The following ESPL1 variants were observed in gnomAD, a reference collection of about 807,000 sequenced individuals.
The protein encoded by ESPL1 is separin.
Under a neutral mutation model 217.2 loss-of-function variants are expected in ESPL1, and 50 were observed. That is an observed-to-expected ratio of 0.23 (90% CI 0.18 to 0.29). The LOEUF is 0.29. Among genes scored for constraint, ESPL1 ranks in the 10% least tolerant of loss-of-function variants. The pLI is 1.00. For missense variants in ESPL1, 1,834 were observed against 2,603.0 expected, an observed-to-expected ratio of 0.70 and a Z score of 6.43; for synonymous variants, 994 against 1,081.3, an observed-to-expected ratio of 0.92 and a Z score of 1.58.
intron 11 of ESPL1, 92 bp from the exon 12 acceptor site, chr12:53,279,640 T>TTGGACCCC: frequency 6.6e-7 from 1 of 1,519,210 alleles, no homozygotes; most frequent in Non-Finnish European, 9.0e-7. Context: ...GAGGTCAAAC[T>TTGGACCCC]ACAGTCCAAG....
rs1943657834 is a variant in ESPL1 at position 53,270,885 on chromosome 12, C to T, written c.1369+87C>T. ...AATAGTACTTGCTGCGTGGTTCTGA[C>T]CACTGTGAGGGTTCCTTATGGTTCA... On this transcript the variant is annotated intron_variant, in intron 5 of 30. Coordinates refer to ENST00000257934, the MANE Select transcript of ESPL1 (RefSeq NM_012291.5). 2.7e-6 allele frequency: 4 copies of T among 1,460,390 alleles called. No homozygotes were observed. The Admixed American group carries it at 7.6e-5, about 28-fold the overall frequency. The allele number at this position is 1,460,390 out of a possible 1,614,324, so 90.5% of individuals were successfully genotyped here.
At chr12:53,270,835 A>C (rs1326889791) in intron 5 of ESPL1, 37 bp downstream of exon 5, 1 of 1,612,060 alleles carries the variant, frequency 6.2e-7, no homozygotes. Flanking sequence ...AGTTTGTGGG[A>C]GGGTCATCAC....
intron 12 of ESPL1, among the ~76,000 whole-genome samples, chr12:53,281,124 C>A (rs1943853148): frequency 7.0e-6 from 1 of 143,194 alleles, no homozygotes; most frequent in African/African-American, 2.6e-5. Flanking sequence ...CTTGTAAATA[C>A]TTTACTCCAC....
At chr12:53,279,238 G>A (rs1319962528) in intron 11 of ESPL1, among the ~76,000 whole-genome samples, 1 of 152,178 alleles carries the variant, frequency 6.6e-6, no homozygotes, top group Non-Finnish European at 1.5e-5. Flanking sequence ...CAAAATTCCT[G>A]AAGCTCTACC....
chr12:53,270,334 C>T (rs374231665), intron 3 of ESPL1, 44 bp from the exon 4 acceptor site: 5 of 1,403,344 alleles, frequency 3.6e-6, no homozygotes, highest in African/African-American at 1.4e-5. Context: ...TTGGAGCCCT[C>T]TTTATCTCTA....
chr12:53,281,638 T>A lies in ESPL1; in HGVS notation c.2619+12T>A. The A allele has an allele frequency of 6.2e-7, 1 of 1,608,822 alleles. No individual in the cohort carries two copies. The highest frequency in any genetic ancestry group is 8.5e-7 in the Non-Finnish European group (1 of 1,177,894). ...GGACTCACCAGAAGGTATTTCTCACTTTCTTAAACTCCGAAGGCCCTGGGT... is the reference window on the plus strand; with the variant it reads ...GGACTCACCAGAAGGTATTTCTCACATTCTTAAACTCCGAAGGCCCTGGGT... On this transcript the variant is annotated intron_variant, in intron 13 of 30. Transcript: ENST00000257934.
chr12:53,271,778 GTTA>G (rs1420895302), intron 5 of ESPL1, among the ~76,000 whole-genome samples: 1 of 152,100 alleles, frequency 6.6e-6, no homozygotes, highest in Non-Finnish European at 1.5e-5. Context: ...GCATAAATAA[GTTA>G]TTATCATTTA....
rs751448580 is a variant in ESPL1 at position 53,277,601 on chromosome 12, A to G, written c.2217A>G (p.Ala739=). Residue 739 remains alanine, a synonymous_variant, in exon 10 of 31, where the codon GCA becomes GCG. Coordinates refer to ENST00000257934, the MANE Select transcript of ESPL1 (RefSeq NM_012291.5). ...LYSNIAFNLA[A]DAAQSKCLDQ... ...GTAACATTGCCTTCAACCTGGCTGCAGATGCTGGTGAGGGGTAAATGGAGT... is the reference window on the plus strand; with the variant it reads ...GTAACATTGCCTTCAACCTGGCTGCGGATGCTGGTGAGGGGTAAATGGAGT... The G allele has an allele frequency of 1.2e-6, 2 of 1,614,138 alleles. No individual in the cohort carries two copies. Among genetic ancestry groups the G allele is most frequent in the Admixed American group, 1.7e-5 (1 of 60,020 alleles).
intron 20 of ESPL1, 126 bp from the exon 21 acceptor site, chr12:53,288,957 ACATTGCC>A: frequency 1.3e-6 from 1 of 783,790 alleles, no homozygotes; most frequent in Non-Finnish European, 2.1e-6. Context: ...CCCACTTGGC[ACATTGCC>A]CTTCATAAAT....
chr12:53,276,656 G>C lies in ESPL1; in HGVS notation c.1737G>C (p.Glu579Asp), dbSNP rs1191090976. 1 of 1,612,838 alleles carries C rather than the reference G, an allele frequency of 6.2e-7. No individual in the cohort carries two copies. Among genetic ancestry groups the C allele is most frequent in the Non-Finnish European group, 8.5e-7 (1 of 1,179,864 alleles). ...ACAGCCTCAGTGGCTGGGACCCGGAGACCCTGGCCCTCCTGCTGAGGGAGG... is the reference window on the plus strand; with the variant it reads ...ACAGCCTCAGTGGCTGGGACCCGGACACCCTGGCCCTCCTGCTGAGGGAGG... Reference protein sequence around the residue: ...LRDSLSGWDPETLALLLREEL... With the variant: ...LRDSLSGWDPDTLALLLREEL... The change falls in exon 8 of 31, where the codon GAG becomes GAC. Residue 579 changes from glutamate to aspartate, a missense_variant. Glu to Asp is a conservative substitution (Grantham distance 45). This residue lies in a region of ESPL1 where 746 missense variants were observed against 1,077.0 expected (regional missense o/e 0.69). Coordinates refer to ENST00000257934, the MANE Select transcript of ESPL1 (RefSeq NM_012291.5).
At chr12:53,287,786 C>T (rs1442113028) in intron 18 of ESPL1, 186 bp from the exon 19 acceptor site, 5 of 540,210 alleles carry the variant, frequency 9.3e-6, no homozygotes, top group Non-Finnish European at 1.6e-5. Context: ...TTTTCTCCCT[C>T]CTTCCACACC....
Position 53,293,593 on chromosome 12 carries a change from T to G in ESPL1, c.*119T>G, listed in dbSNP as rs2121015137. On this transcript the variant is annotated 3_prime_UTR_variant, in exon 31 of 31. Coordinates refer to ENST00000257934, the MANE Select transcript of ESPL1 (RefSeq NM_012291.5). This position sits in a 1 kb window ranked among gnomAD's most constrained non-coding sequence, Gnocchi z 4.2. ...TTTCCCCAGTGTTTTATATGAAACA[T>G]TTCCTTTTGATTTAACCTCAGTATA... 1 of 764,148 alleles carries G rather than the reference T, an allele frequency of 1.3e-6. No homozygotes were observed. Among genetic ancestry groups the G allele is most frequent in the East Asian group, 2.5e-5 (1 of 39,390 alleles). The allele number at this position is 764,148 out of a possible 1,614,324, so 47.3% of individuals were successfully genotyped here.
At chr12:53,268,456 T>G in intron 1 of ESPL1, 79 bp downstream of exon 1, 3 of 332,906 alleles carry the variant, frequency 9.0e-6, no homozygotes, top group South Asian at 3.7e-5. Flanking sequence ...AGGAGAGGCG[T>G]GGGTGGCTCC....
At chr12:53,277,670 C>G in intron 10 of ESPL1, 62 bp downstream of exon 10, 1 of 1,592,428 alleles carries the variant, frequency 6.3e-7, no homozygotes, top group Non-Finnish European at 8.6e-7. Flanking sequence ...GGAACAGGGA[C>G]CCCTGGTGAG....
rs1276384302 is a variant in ESPL1, at chr12:53,292,503, C to T, written c.5913-71C>T. 1 of 1,417,248 alleles carries T rather than the reference C, an allele frequency of 7.1e-7. No individual in the cohort carries two copies. The highest frequency in any genetic ancestry group is 1.4e-5 in the African/African-American group (1 of 71,186). 87.8% of individuals were successfully genotyped at this position (1,417,248 alleles called of 1,614,324 possible). A position where few individuals can be genotyped will look rare whatever the true frequency, so the allele number is the denominator to read the frequency against. On this transcript the variant is annotated intron_variant, in intron 28 of 30. Transcript: ENST00000257934. This position sits in a 1 kb window ranked among gnomAD's most constrained non-coding sequence, Gnocchi z 4.5. ...TGCAGCCCACCTTCTATCTAATGAT[C>T]CCTCTGCTGTCTTTGCCACCTGACC...
At position 53,277,074 on chromosome 12, in the gene ESPL1, T is replaced by C. The variant is rs1389357427; in HGVS notation, c.1941-9T>C. On this transcript the variant is annotated splice_polypyrimidine_tract_variant and intron_variant, in intron 8 of 30. Coordinates refer to ENST00000257934, the MANE Select transcript of ESPL1 (RefSeq NM_012291.5). ...GTAGGCCCAGCTTAAGCACATCTTC[T>C]CCCTGCAGCTCTGCTCTGGATGCTA... 4.3e-6 allele frequency: 7 copies of C among 1,610,246 alleles called. No individual in the cohort carries two copies. Among genetic ancestry groups the C allele is most frequent in the Non-Finnish European group, 5.9e-6 (7 of 1,177,470 alleles).
Position 53,288,338 on chromosome 12 carries a change from T to C in ESPL1, c.4543T>C (p.Ser1515Pro). 1 of 1,596,396 alleles carries C rather than the reference T, an allele frequency of 6.3e-7. No individual in the cohort carries two copies. Among genetic ancestry groups the C allele is most frequent in the East Asian group, 2.2e-5 (1 of 44,488 alleles). The change falls in exon 19 of 31, where the codon TCA (serine) becomes CCA (proline). Residue 1515 changes from serine (S) to proline (P), a missense_variant. Ser to Pro is a moderately conservative substitution (Grantham distance 74). Coordinates refer to ENST00000257934, the MANE Select transcript of ESPL1 (RefSeq NM_012291.5). ...LRGSDGEDSASGGKTPAPGPE... is the reference protein window; with the variant it reads ...LRGSDGEDSAPGGKTPAPGPE... Reference sequence around the variant, plus strand: ...GGGCTCTGACGGGGAAGACTCAGCCTCAGGTAGGACAGCAAGGGTGAGGTG... The same window carrying C: ...GGGCTCTGACGGGGAAGACTCAGCCCCAGGTAGGACAGCAAGGGTGAGGTG...
rs889845411 is a variant in ESPL1 at position 53,270,180 on chromosome 12, C to T, written c.1143+95C>T. The T allele has an allele frequency of 2.0e-5, 23 of 1,145,532 alleles. No homozygotes were observed. The East Asian group carries it at 5.2e-4, about 26-fold the overall frequency. 71.0% of individuals were successfully genotyped at this position (1,145,532 alleles called of 1,614,324 possible). Reference sequence around the variant, plus strand: ...CAAGATCTGGAGGTCCTGGCTCCCTCCTTGTTAAGCTGCTCTCTGGACAGT... The same window carrying T: ...CAAGATCTGGAGGTCCTGGCTCCCTTCTTGTTAAGCTGCTCTCTGGACAGT... On this transcript the variant is annotated intron_variant, in intron 3 of 30. Coordinates refer to ENST00000257934, the MANE Select transcript of ESPL1 (RefSeq NM_012291.5).
chr12:53,279,797 G>A lies in ESPL1; in HGVS notation c.2430G>A (p.Ser810=), dbSNP rs1005122442. 3 of 1,613,508 alleles carry A rather than the reference G, an allele frequency of 1.9e-6. No homozygotes were observed. The highest frequency in any genetic ancestry group is 2.2e-5 in the South Asian group (2 of 91,064). The part of the protein sequence containing the change: ...RIVSERLKDH[S]KAAGSSCHIT... Reference sequence around the variant, plus strand: ...TCTCTGAGAGACTGAAGGACCACTCGAAGGCAGCTGGCTCCTCCTGCCACA... The same window carrying A: ...TCTCTGAGAGACTGAAGGACCACTCAAAGGCAGCTGGCTCCTCCTGCCACA... The change falls in exon 12 of 31, where the codon TCG becomes TCA. Residue 810 remains serine (S), a synonymous_variant. Coordinates refer to ENST00000257934, the MANE Select transcript of ESPL1 (RefSeq NM_012291.5).
Sources: gnomAD v4.1 joint callset for allele counts (sites outside exome capture counted in the v4.1 genomes callset) on GRCh38, gnomAD v4.1.1 for gene constraint, gnomAD v4.1.1 regional missense constraint, Gnocchi (gnomAD v3.1) non-coding constraint, MANE v1.5 for transcripts, NCBI Gene and HGNC (gene_info 2026-07-23, HGNC 2026-07-21) for gene names.